The following SIAE variants were observed in gnomAD, a reference collection of about 807,000 sequenced individuals.
SIAE encodes the protein sialate O-acetylesterase.
Under a neutral mutation model 52.6 loss-of-function variants are expected in SIAE, and 39 were observed. That is an observed-to-expected ratio of 0.74 (90% CI 0.57 to 0.97). SIAE has a LOEUF of 0.97. Among genes scored for constraint, SIAE ranks in the 50% least tolerant of loss-of-function variants. The probability of loss-of-function intolerance (pLI) is 0.00; values close to 1 mark genes in which losing one functional copy is unlikely to be tolerated. For synonymous variants in SIAE, 233 were observed against 241.4 expected (o/e 0.97, Z 0.32); for missense variants, 592 against 662.1 (o/e 0.89, Z 1.16).
chr11:124,673,935 A>G (rs1943418659), upstream of SIAE: 3 of 583,380 alleles, frequency 5.1e-6, no homozygotes, highest in South Asian at 2.1e-5. Context: ...CGGCGGCACC[A>G]GCTCGGAGAG....
In SIAE at chr11:124,645,146, C is replaced by T. The variant is rs893019083; in HGVS notation, c.966+2219G>A. ...AGCTCAGACTCAGTCTGAACCATGA[C>T]GCTGTCATGCTGGGTATTTCCCTTT... On this transcript the variant is annotated intron_variant, in intron 7 of 9. Coordinates refer to ENST00000263593, the MANE Select transcript of SIAE (RefSeq NM_170601.5). The surrounding 1 kb of genome is among the most constrained non-coding windows in gnomAD (Gnocchi z 4.7). 6.6e-5 allele frequency among the ~76,000 whole-genome samples: 10 copies of T among 152,266 alleles called. No individual in the cohort carries two copies. Among genetic ancestry groups the T allele is most frequent in the Admixed American group, 2.6e-4 (4 of 15,294 alleles).
intron 4 of SIAE, among the ~76,000 whole-genome samples, chr11:124,653,294 A>G (rs1943043891): frequency 6.6e-6 from 1 of 152,158 alleles, no homozygotes; most frequent in South Asian, 2.1e-4. Flanking sequence ...AGCACATAGT[A>G]GACACTCAAA....
chr11:124,660,311 A>G (rs943413821), intron 3 of SIAE: 6 of 339,916 alleles, frequency 1.8e-5, no homozygotes, highest in African/African-American at 1.1e-4. Context: ...AAAAAAAAAA[A>G]GCAAGAAAAT....
chr11:124,656,786 G>C (rs541586005), intron 3 of SIAE, among the ~76,000 whole-genome samples: 4 of 152,240 alleles, frequency 2.6e-5, no homozygotes. Flanking sequence ...GGGCCAACGG[G>C]AGCATCAGGA....
At chr11:124,673,772 G>A, upstream of SIAE, 2 of 1,570,546 alleles carry the variant, frequency 1.3e-6, no homozygotes, top group Non-Finnish European at 1.7e-6. Flanking sequence ...GGCGGGGCCT[G>A]GGCGGGGGCG....
rs532219135 is a variant in SIAE, at chr11:124,643,922, CACCCAGCCTTATT to C, written c.966+3430_966+3442del. Among the ~76,000 whole-genome samples the C allele has an allele frequency of 3.1e-3, 467 of 152,248 alleles. 2 individuals are homozygous for C. The highest frequency in any genetic ancestry group is 0.018 in the South Asian group (86 of 4,828). On this transcript the variant is annotated intron_variant, in intron 7 of 9. Coordinates refer to ENST00000263593, the MANE Select transcript of SIAE (RefSeq NM_170601.5). Reference sequence around the variant, plus strand: ...GGACTGCATTTTACACAGACTGTTCCACCCAGCCTTATTACTCACAGCCCAGAAAATACCTGAC... The same window carrying C: ...GGACTGCATTTTACACAGACTGTTCCACTCACAGCCCAGAAAATACCTGAC...
chr11:124,675,448 A>C, upstream of SIAE: 2 of 1,600,490 alleles, frequency 1.2e-6, no homozygotes, highest in East Asian at 2.2e-5. Context: ...TCATTTTTTA[A>C]AATAAGAAAC....
chr11:124,660,810 T>C lies in SIAE; in HGVS notation c.230-7A>G. The C allele has an allele frequency of 6.2e-7, 1 of 1,614,012 alleles. No individual in the cohort carries two copies. The highest frequency in any genetic ancestry group is 8.5e-7 in the Non-Finnish European group (1 of 1,179,920). On this transcript the variant is annotated splice_region_variant and splice_polypyrimidine_tract_variant and intron_variant, in intron 2 of 9. Coordinates refer to ENST00000263593, the MANE Select transcript of SIAE (RefSeq NM_170601.5). The stretch of plus-strand genomic sequence containing the variant: ...ATCCACGTATCAGAGTGAGCTGAAA[T>C]AGTAACAGGACTCCAAGGAATTAAT...
rs903341369 is a variant in SIAE at position 124,645,319 on chromosome 11, CTT to C, written c.966+2044_966+2045del. Reference sequence around the variant, plus strand: ...TCAGGTCTTTCTGATTGCTATATTTCTTTTTTTTTTTTGAGACGGAGTTTCGC... The same window carrying C: ...TCAGGTCTTTCTGATTGCTATATTTCTTTTTTTTTTGAGACGGAGTTTCGC... On this transcript the variant is annotated intron_variant, in intron 7 of 9. Transcript: ENST00000263593. The surrounding 1 kb of genome is among the most constrained non-coding windows in gnomAD (Gnocchi z 4.7). Among the ~76,000 whole-genome samples the C allele has an allele frequency of 6.8e-6, 1 of 146,152 alleles. No individual in the cohort carries two copies. The highest frequency in any genetic ancestry group is 1.5e-5 in the Non-Finnish European group (1 of 66,058).
Position 124,673,639 on chromosome 11 carries a change from C to A in SIAE, c.67+3G>T. On this transcript the variant is annotated splice_donor_region_variant and intron_variant, in intron 1 of 9. Transcript: ENST00000263593. ...GGGGTCCGGCCGAGCCGGGCCGCCT[C>A]ACCTGCACTTCTGTCGGCCCACAGG... 6.2e-7 allele frequency: 1 copy of A among 1,613,218 alleles called. No individual in the cohort carries two copies. The highest frequency in any genetic ancestry group is 8.5e-7 in the Non-Finnish European group (1 of 1,179,700).
rs1041142922 is a variant in SIAE, at chr11:124,634,390, T to G, written c.*2561A>C. On this transcript the variant is annotated 3_prime_UTR_variant, in exon 10 of 10. Transcript: ENST00000263593. ...ACTGCCTTAGTATACTTAAACTATC[T>G]TTTCATCTATCAGATTGTTAAGGAT... 8.5e-5 allele frequency: 13 copies of G among 152,096 alleles called. No homozygotes were observed. The highest frequency in any genetic ancestry group is 7.9e-4 in the Admixed American group (12 of 15,280). 9.4% of individuals were successfully genotyped at this position (152,096 alleles called of 1,614,324 possible). A position where few individuals can be genotyped will look rare whatever the true frequency, so the allele number is the denominator to read the frequency against.
chr11:124,663,963 T>C (rs1213617978), intron 2 of SIAE, among the ~76,000 whole-genome samples: 1 of 152,244 alleles, frequency 6.6e-6, no homozygotes, highest in East Asian at 1.9e-4. Flanking sequence ...TCACTTGCTA[T>C]TAGCTATTCC....
intron 1 of SIAE, among the ~76,000 whole-genome samples, chr11:124,671,321 T>C (rs1943351353): frequency 6.6e-6 from 1 of 152,216 alleles, no homozygotes; most frequent in South Asian, 2.1e-4. Flanking sequence ...TCAACAAATA[T>C]TTATTGATGC....
intron 3 of SIAE, among the ~76,000 whole-genome samples, chr11:124,655,376 C>T (rs1433046740): frequency 2.6e-5 from 4 of 152,098 alleles, no homozygotes; most frequent in African/African-American, 4.8e-5. Context: ...GGGGTTTCAC[C>T]GTGTTAGCCC....
At chr11:124,646,121 A>G (rs180843135) in intron 7 of SIAE, among the ~76,000 whole-genome samples, 2 of 152,348 alleles carry the variant, frequency 1.3e-5, no homozygotes, top group Admixed American at 1.3e-4. Context: ...ACCGTGCTAA[A>G]AAGTGTAGTT....
chr11:124,652,209 C>T (rs1044185418), intron 4 of SIAE, among the ~76,000 whole-genome samples: 8 of 152,042 alleles, frequency 5.3e-5, no homozygotes, highest in South Asian at 2.1e-4. Flanking sequence ...CCAAAGACGT[C>T]GACACACTCA....
rs771003824 is a variant in SIAE, at chr11:124,669,438, C to T, written c.151G>A (p.Gly51Ser). The T allele has an allele frequency of 9.8e-5, 158 of 1,613,982 alleles. 1 individual carries two copies. In the Admixed American group the frequency reaches 2.5e-3, roughly 25 times the overall value. ...ACGGTCACTGTGGCTCCAGGTGTAC[C>T]GAAGCCCCATATCACTGCCCCAGCA... ...EPAGAVIWGF[G>S]TPGATVTVTL... Residue 51 changes from glycine to serine, a missense_variant, in exon 2 of 10, where the codon GGT becomes AGT. Physicochemically the swap from Gly to Ser is moderately conservative, Grantham distance 56. Coordinates refer to ENST00000263593, the MANE Select transcript of SIAE (RefSeq NM_170601.5).
chr11:124,661,819 A>G lies in SIAE; in HGVS notation c.230-1016T>C, dbSNP rs146708934. ...GATCAATGTAAATTCAAAGGGAAAGAATGATAAGAACTGGAAATGGAGCAT... is the reference window on the plus strand; with the variant it reads ...GATCAATGTAAATTCAAAGGGAAAGGATGATAAGAACTGGAAATGGAGCAT... On this transcript the variant is annotated intron_variant, in intron 2 of 9. Transcript: ENST00000263593. Among the ~76,000 whole-genome samples, 397 of 152,374 alleles carry G rather than the reference A, an allele frequency of 2.6e-3. 1 individual carries two copies. Among genetic ancestry groups the G allele is most frequent in the African/African-American group, 9.3e-3 (388 of 41,588 alleles).
chr11:124,671,680 AAG>A (rs899084894), intron 1 of SIAE, among the ~76,000 whole-genome samples: 2 of 152,216 alleles, frequency 1.3e-5, no homozygotes, highest in Non-Finnish European at 2.9e-5. Flanking sequence ...GACAAAAAAA[AAG>A]AGAGAGAGAA....
Sources: allele counts gnomAD v4.1 joint callset (sites outside exome capture counted in the v4.1 genomes callset), GRCh38; gene constraint gnomAD v4.1.1; non-coding constraint Gnocchi (gnomAD v3.1); transcripts MANE v1.5; gene names NCBI Gene and HGNC (gene_info 2026-07-23, HGNC 2026-07-21).